Variants in ATP9A observed in about 807,000 individuals in gnomAD.
ATP9A encodes the protein probable phospholipid-transporting ATPase IIA.
In ATP9A, 52 loss-of-function variants were observed where a neutral mutation model predicts 144.1. That is an observed-to-expected ratio of 0.36 (90% CI 0.29 to 0.45). The LOEUF (loss-of-function observed/expected upper bound fraction) is 0.45, where lower values mean the gene tolerates loss of function less well. Ranked by LOEUF, ATP9A falls within the 20% of genes least tolerant of loss-of-function variation. The probability of loss-of-function intolerance (pLI) is 1.00; values close to 1 mark genes in which losing one functional copy is unlikely to be tolerated. For synonymous variants in ATP9A, 582 were observed against 557.4 expected, an observed-to-expected ratio of 1.04 and a Z score of -0.62; for missense variants, 947 against 1,392.7, an observed-to-expected ratio of 0.68 and a Z score of 5.09.
intron 23 of ATP9A, 107 bp from the exon 24 acceptor site, chr20:51,610,272 G>T: frequency 2.4e-6 from 2 of 824,146 alleles, no homozygotes; most frequent in Non-Finnish European, 4.0e-6. Context: ...CGCCGGCACT[G>T]CTGTAAGGTA....
intron 1 of ATP9A, among the ~76,000 whole-genome samples, chr20:51,752,744 A>G (rs2077837858): frequency 6.6e-6 from 1 of 152,210 alleles, no homozygotes; most frequent in Admixed American, 6.6e-5. Context: ...GGCCCCGGGC[A>G]GGAGTCAGTG....
chr20:51,696,372 T>C (rs1345466137), intron 5 of ATP9A, among the ~76,000 whole-genome samples: 1 of 152,228 alleles, frequency 6.6e-6, no homozygotes, highest in Non-Finnish European at 1.5e-5. Context: ...TAATCCCCTA[T>C]CAAAATCTTA....
At chr20:51,760,927 G>T (rs1307418580) in intron 1 of ATP9A, among the ~76,000 whole-genome samples, 2 of 151,878 alleles carry the variant, frequency 1.3e-5, no homozygotes, top group Non-Finnish European at 2.9e-5. Flanking sequence ...TACTTGGGAG[G>T]CTGAAGCAGA....
At chr20:51,711,755 A>G (rs1453124736) in intron 4 of ATP9A, among the ~76,000 whole-genome samples, 3 of 151,140 alleles carry the variant, frequency 2.0e-5, no homozygotes, top group African/African-American at 7.3e-5. Context: ...TGGGTTTTTA[A>G]GTTCTAGCAT....
intron 1 of ATP9A, among the ~76,000 whole-genome samples, chr20:51,765,460 G>A (rs2077899370): frequency 6.6e-6 from 1 of 151,834 alleles, no homozygotes; most frequent in African/African-American, 2.4e-5. Context: ...TTCGAGACCA[G>A]CCTGACCAAC....
intron 4 of ATP9A, among the ~76,000 whole-genome samples, chr20:51,707,952 A>T (rs2077621605): frequency 6.6e-6 from 1 of 151,972 alleles, no homozygotes; most frequent in South Asian, 2.1e-4. Context: ...TGCAGTGTTC[A>T]ACTCCTGGCC....
intron 13 of ATP9A, among the ~76,000 whole-genome samples, chr20:51,664,385 G>A (rs1038154260): frequency 5.3e-5 from 8 of 151,910 alleles, no homozygotes; most frequent in African/African-American, 1.5e-4. Context: ...CCAGGAGTTC[G>A]AGACCAGCCT....
At chr20:51,706,115 T>C (rs779800440) in intron 4 of ATP9A, among the ~76,000 whole-genome samples, 3 of 152,232 alleles carry the variant, frequency 2.0e-5, no homozygotes, top group Non-Finnish European at 4.4e-5. Flanking sequence ...ATAGGTTTCT[T>C]TGGACTCAGA....
intron 1 of ATP9A, among the ~76,000 whole-genome samples, chr20:51,749,651 T>G (rs966501109): frequency 1.3e-5 from 2 of 152,212 alleles, no homozygotes; most frequent in Non-Finnish European, 2.9e-5. Context: ...TTTATCTATA[T>G]AAAGATGCAT....
chr20:51,616,986 G>A (rs1189207213), intron 22 of ATP9A, among the ~76,000 whole-genome samples: 1 of 148,860 alleles, frequency 6.7e-6, no homozygotes, highest in Non-Finnish European at 1.5e-5. Context: ...CTGTTGCCCA[G>A]GCTGGAGTGC....
At chr20:51,639,714 A>T (rs946028890) in intron 14 of ATP9A, among the ~76,000 whole-genome samples, 1 of 152,170 alleles carries the variant, frequency 6.6e-6, no homozygotes, top group Non-Finnish European at 1.5e-5. Flanking sequence ...CTGCCCCTCT[A>T]TAAGGCACAA....
intron 3 of ATP9A, among the ~76,000 whole-genome samples, chr20:51,721,627 C>T (rs1247295318): frequency 2.0e-5 from 3 of 151,630 alleles, no homozygotes; most frequent in Non-Finnish European, 4.4e-5. Flanking sequence ...GGTGAAACCC[C>T]CTCTCTACTA....
At chr20:51,654,818 G>C (rs938737186) in intron 14 of ATP9A, among the ~76,000 whole-genome samples, 10 of 152,124 alleles carry the variant, frequency 6.6e-5, no homozygotes, top group African/African-American at 2.4e-4. Context: ...CCCCACTGTG[G>C]GGGTTCCATG....
intron 22 of ATP9A, among the ~76,000 whole-genome samples, chr20:51,616,621 TCA>T (rs889508558): frequency 2.6e-5 from 4 of 151,934 alleles, no homozygotes; most frequent in African/African-American, 9.7e-5. Flanking sequence ...TTCCAGCCCT[TCA>T]CACACAGTCC....
At chr20:51,664,824 ATTC>A (rs1193657857) in intron 13 of ATP9A, among the ~76,000 whole-genome samples, 1 of 151,280 alleles carries the variant, frequency 6.6e-6, no homozygotes, top group African/African-American at 2.4e-5. Context: ...GGTTCAAGCT[ATTC>A]TTCTGCCTCA....
chr20:51,749,418 A>G lies in ATP9A; in HGVS notation c.68+18884T>C, dbSNP rs188684246. ...GTAGCTGGGATTACAGGTGCCCACC[A>G]CCATGCCCAGCTAAGTTTGCTATTT... On this transcript the variant is annotated intron_variant, in intron 1 of 27. Transcript: ENST00000338821. 4.7e-4 allele frequency among the ~76,000 whole-genome samples: 72 copies of G among 152,168 alleles called. No individual in the cohort carries two copies. The Middle Eastern group carries it at 0.01, about 22-fold the overall frequency.
At chr20:51,753,791 C>A (rs1464692144) in intron 1 of ATP9A, among the ~76,000 whole-genome samples, 3 of 151,200 alleles carry the variant, frequency 2.0e-5, no homozygotes, top group Non-Finnish European at 4.4e-5. Flanking sequence ...CTCAGCCTCC[C>A]AAGTAGCTGG....
intron 1 of ATP9A, among the ~76,000 whole-genome samples, chr20:51,735,655 T>C (rs1407148147): frequency 6.6e-6 from 1 of 152,250 alleles, no homozygotes; most frequent in Non-Finnish European, 1.5e-5. Flanking sequence ...AACTTTGTGT[T>C]ACCTGAGCCA....
rs1033796243 is a variant in ATP9A, at chr20:51,617,181, A to C, written c.2415+309T>G. On this transcript the variant is annotated intron_variant, in intron 22 of 27. Transcript: ENST00000338821. ...GGCCTCAAACTCCTGACCTCAAGTG[A>C]TGATCCACCCACCTCAGCCTCCCAA... 3.2e-3 allele frequency among the ~76,000 whole-genome samples: 119 copies of C among 36,906 alleles called. 2 individuals are homozygous for C. The highest frequency in any genetic ancestry group is 5.0e-3 in the Non-Finnish European group (92 of 18,504). The allele number at this position is 36,906 out of a possible 152,430, so 24.2% of individuals were successfully genotyped here.
Sources: gnomAD v4.1 joint callset for allele counts (sites outside exome capture counted in the v4.1 genomes callset) on GRCh38, gnomAD v4.1.1 for gene constraint, MANE v1.5 for transcripts, NCBI Gene and HGNC (gene_info 2026-07-23, HGNC 2026-07-21) for gene names.